Variants in PPT1 observed in about 807,000 individuals in gnomAD.
PPT1 encodes the protein palmitoyl-protein thioesterase 1, also known as ceroid-palmitoyl-palmitoyl-protein thioesterase 1.
Under a neutral mutation model 44.0 loss-of-function variants are expected in PPT1, and 24 were observed. That is an observed-to-expected ratio of 0.54 (90% CI 0.39 to 0.77). The LOEUF is 0.77. PPT1 is among the 30% of genes least tolerant of loss of function. The pLI is 0.00. For synonymous variants in PPT1, 148 were observed against 140.2 expected (o/e 1.06, Z -0.39); for missense variants, 341 against 378.8 (o/e 0.90, Z 0.83).
chr1:40,086,739 C>T (rs751351259), intron 5 of PPT1, among the ~76,000 whole-genome samples: 2 of 150,962 alleles, frequency 1.3e-5, no homozygotes, highest in Non-Finnish European at 2.9e-5. Context: ...CACCTTCCAT[C>T]ATGTGGGTGG....
intron 5 of PPT1, among the ~76,000 whole-genome samples, chr1:40,087,098 C>A (rs555240612): frequency 1.3e-5 from 2 of 151,916 alleles, no homozygotes; most frequent in Non-Finnish European, 2.9e-5. Flanking sequence ...AAACATGTTG[C>A]CATTTTTTAT....
chr1:40,080,256 C>T (rs1414988100), intron 6 of PPT1, 141 bp downstream of exon 6: 1 of 882,290 alleles, frequency 1.1e-6, no homozygotes, highest in African/African-American at 1.7e-5. Flanking sequence ...CTCAAAGGCC[C>T]TGCCTCCCAA....
At chr1:40,080,366 A>G in intron 6 of PPT1, 31 bp downstream of exon 6, 1 of 1,592,562 alleles carries the variant, frequency 6.3e-7, no homozygotes, top group South Asian at 1.1e-5. Flanking sequence ...AAAAGAACGC[A>G]CATCTATGGG....
intron 5 of PPT1, among the ~76,000 whole-genome samples, chr1:40,086,398 G>A (rs894529883): frequency 1.3e-5 from 2 of 152,170 alleles, no homozygotes; most frequent in Non-Finnish European, 2.9e-5. Flanking sequence ...ATGCCAAGCC[G>A]GGGGCTTCCC....
At chr1:40,096,712 G>T (rs1205955665) in intron 1 of PPT1, 1 of 217,226 alleles carries the variant, frequency 4.6e-6, no homozygotes, top group East Asian at 1.2e-4. Context: ...TACTCAATTT[G>T]TAAATGAACT....
At chr1:40,078,927 G>A in intron 6 of PPT1, 1 of 429,518 alleles carries the variant, frequency 2.3e-6, no homozygotes, top group African/African-American at 2.1e-5. Flanking sequence ...GAGGTTTGGG[G>A]TTCTGTTGAT....
intron 4 of PPT1, 91 bp from the exon 5 acceptor site, chr1:40,089,603 A>G (rs1311486816): frequency 2.2e-6 from 2 of 900,968 alleles, no homozygotes; most frequent in Admixed American, 3.7e-5. Context: ...CAAAATGAAC[A>G]GGACCAAACT....
chr1:40,080,424 G>A lies in PPT1; in HGVS notation c.600C>T (p.Ile200=), dbSNP rs767606363. The A allele has an allele frequency of 1.2e-6, 2 of 1,614,064 alleles. No homozygotes were observed. The highest frequency in any genetic ancestry group is 3.3e-5 in the Admixed American group (2 of 60,018). Residue 200 remains isoleucine (I), a synonymous_variant, in exon 6 of 9, where the codon ATC becomes ATT. Transcript: ENST00000642050. ...GCTCCTGATTTATATCTGCCAAGAA[G>A]ATGCTGTGGTTGCGATACACATCCT... The part of the protein sequence containing the change: ...IKEDVYRNHS[I]FLADINQERG...
At chr1:40,074,255 CTTGA>C in intron 8 of PPT1, 72 bp from the exon 9 acceptor site, 1 of 1,576,706 alleles carries the variant, frequency 6.3e-7, no homozygotes, top group Non-Finnish European at 8.7e-7. Context: ...AGTACGTTAA[CTTGA>C]GATATATTTT....
intron 4 of PPT1, among the ~76,000 whole-genome samples, chr1:40,091,080 C>T (rs1448119963): frequency 6.6e-6 from 1 of 152,232 alleles, no homozygotes; most frequent in Non-Finnish European, 1.5e-5. Flanking sequence ...CTATAACCAT[C>T]TTACTTCCAT....
intron 5 of PPT1, among the ~76,000 whole-genome samples, chr1:40,087,386 G>C (rs1649317381): frequency 1.3e-5 from 2 of 152,058 alleles, no homozygotes; most frequent in Admixed American, 1.3e-4. Context: ...GAGACTACAG[G>C]TGTGCACCAC....
Position 40,092,401 on chromosome 1 carries a change from C to T in PPT1, c.231G>A (p.Met77Ile), listed in dbSNP as rs1649618232. The T allele has an allele frequency of 6.2e-6, 10 of 1,604,600 alleles. No homozygotes were observed. The highest frequency in any genetic ancestry group is 8.5e-6 in the Non-Finnish European group (10 of 1,171,274). Residue 77 changes from methionine to isoleucine, a missense_variant, in exon 2 of 9, where the codon ATG becomes ATA. Transcript: ENST00000642050. Reference sequence around the variant, plus strand: ...GAACAGCTGTGAAGCGCCTTACCTCCATCAGGGTCTTCCCAATCTCTAAAG... The same window carrying T: ...GAACAGCTGTGAAGCGCCTTACCTCTATCAGGGTCTTCCCAATCTCTAAAG... ...VLSLEIGKTL[M>I]EDVENSFFLN...
In PPT1 at chr1:40,073,874, T is replaced by C; in HGVS notation, c.*187A>G. 2 of 798,324 alleles carry C rather than the reference T, an allele frequency of 2.5e-6. No homozygotes were observed. The highest frequency in any genetic ancestry group is 4.1e-6 in the Non-Finnish European group (2 of 490,352). The allele number at this position is 798,324 out of a possible 1,614,324, so 49.5% of individuals were successfully genotyped here. ...GTAATTAAACTTGCATTCAACACCA[T>C]ATGGTAACAGAAGATGGCAAAGGAT... is the stretch of plus-strand genomic sequence containing the variant. On this transcript the variant is annotated 3_prime_UTR_variant, in exon 9 of 9. Coordinates refer to ENST00000642050, the MANE Select transcript of PPT1 (RefSeq NM_000310.4).
intron 1 of PPT1, among the ~76,000 whole-genome samples, chr1:40,096,356 T>C (rs1649839651): frequency 6.6e-6 from 1 of 152,196 alleles, no homozygotes; most frequent in African/African-American, 2.4e-5. Context: ...TTTAGTTCCC[T>C]ACTGTATCCT....
chr1:40,092,962 G>A (rs574583821), intron 1 of PPT1, among the ~76,000 whole-genome samples: 1 of 152,282 alleles, frequency 6.6e-6, no homozygotes, highest in East Asian at 1.9e-4. Context: ...AAAACAGTTT[G>A]GTGGTTTCTC....
chr1:40,072,447 T>C (rs1175405302), downstream of PPT1: 3 of 188,306 alleles, frequency 1.6e-5, no homozygotes, highest in South Asian at 2.0e-4. Context: ...TCTTGAATTA[T>C]GTAAGAATCT....
At chr1:40,079,304 C>T (rs116729364) in intron 6 of PPT1, among the ~76,000 whole-genome samples, 13 of 151,512 alleles carry the variant, frequency 8.6e-5, no homozygotes, top group South Asian at 2.1e-4. Flanking sequence ...GCAATAAACA[C>T]GAGTGCAAGT....
Position 40,097,141 on chromosome 1 carries a change from A to T in PPT1, c.98T>A (p.Leu33Gln), listed in dbSNP as rs2124494434. 6.2e-7 allele frequency: 1 copy of T among 1,614,118 alleles called. No individual in the cohort carries two copies. The highest frequency in any genetic ancestry group is 8.5e-7 in the Non-Finnish European group (1 of 1,179,966). Reference protein sequence around the residue: ...ALQHLDPPAPLPLVIWHGMGD... With the variant: ...ALQHLDPPAPQPLVIWHGMGD... ...CATCCCATGCCAGATCACCAACGGC[A>T]GCGGCGCCGGCGGGTCCAGATGCTG... is the stretch of plus-strand genomic sequence containing the variant. The change falls in exon 1 of 9, where the codon CTG becomes CAG. Residue 33 changes from leucine to glutamine, a missense_variant. Leu to Gln is a moderately radical substitution (Grantham distance 113, BLOSUM62 -2). Coordinates refer to ENST00000642050, the MANE Select transcript of PPT1 (RefSeq NM_000310.4).
At chr1:40,081,228 T>A (rs1050382599) in intron 5 of PPT1, among the ~76,000 whole-genome samples, 7 of 152,068 alleles carry the variant, frequency 4.6e-5, no homozygotes, top group African/African-American at 1.7e-4. Flanking sequence ...TCTCATGAGA[T>A]CTGATGGTTT....
Sources: gnomAD v4.1 joint callset for allele counts (sites outside exome capture counted in the v4.1 genomes callset) on GRCh38, gnomAD v4.1.1 for gene constraint, MANE v1.5 for transcripts, NCBI Gene and HGNC (gene_info 2026-07-23, HGNC 2026-07-21) for gene names.